SLC25A10: variants seen among roughly 807,000 people sequenced by gnomAD.
The protein encoded by SLC25A10 is solute carrier family 25 member 10, also known as mitochondrial dicarboxylate carrier.
Under a neutral mutation model 40.4 loss-of-function variants are expected in SLC25A10, and 32 were observed. That is an observed-to-expected ratio of 0.79 (90% CI 0.60 to 1.06). The LOEUF is 1.06. Among genes scored for constraint, SLC25A10 ranks in the 50% least tolerant of loss-of-function variants. The pLI is 0.00. For missense variants in SLC25A10, 394 were observed against 402.6 expected (o/e 0.98, Z 0.18); for synonymous variants, 181 against 171.1 (o/e 1.06, Z -0.45).
At chr17:81,715,863 T>A in intron 4 of SLC25A10, 122 bp downstream of exon 4, 1 of 1,456,886 alleles carries the variant, frequency 6.9e-7, no homozygotes, top group Non-Finnish European at 9.6e-7. Context: ...GACCCTGGTG[T>A]CCTGGGCATA....
chr17:81,716,171 C>A, intron 5 of SLC25A10, 121 bp downstream of exon 5: 1 of 1,085,896 alleles, frequency 9.2e-7, no homozygotes, highest in Non-Finnish European at 1.3e-6. Context: ...CCTGCACGGT[C>A]CATGGAGGGT....
chr17:81,712,540 G>T, intron 1 of SLC25A10, 21 bp downstream of exon 1: 1 of 1,233,002 alleles, frequency 8.1e-7, no homozygotes, highest in South Asian at 3.4e-5. Context: ...GGCCCGGGAC[G>T]CGGGGCGGAT....
At position 81,716,967 on chromosome 17, in the gene SLC25A10, T is replaced by TGCCTTACCCCTG. The variant is rs1555703505; in HGVS notation, c.464-31_464-30insTACCCCTGGCCT. ...GGGCCAGGTGCCTGGCCTCACCCCT[T>TGCCTTACCCCTG]GCCTCACCCCTTGCCTCACCCCTTC... On this transcript the variant is annotated intron_variant, in intron 6 of 10. Coordinates refer to ENST00000350690, the MANE Select transcript of SLC25A10 (RefSeq NM_012140.5). 1.1e-5 allele frequency: 18 copies of TGCCTTACCCCTG among 1,592,796 alleles called. No individual in the cohort carries two copies. The Admixed American group carries it at 2.7e-4, about 24-fold the overall frequency.
chr17:81,718,092 C>A (rs1195890385), intron 9 of SLC25A10, among the ~76,000 whole-genome samples: 1 of 152,076 alleles, frequency 6.6e-6, no homozygotes, highest in Non-Finnish European at 1.5e-5. Context: ...ATGCCTGTAA[C>A]CCCAGCACTT....
intron 5 of SLC25A10, among the ~76,000 whole-genome samples, chr17:81,716,263 G>T (rs1435368136): frequency 6.6e-6 from 1 of 152,176 alleles, no homozygotes; most frequent in African/African-American, 2.4e-5. Context: ...AGCCTTGTTG[G>T]ATTGGGGGCT....
Position 81,718,810 on chromosome 17 carries a change from C to G in SLC25A10, c.705+949C>G, listed in dbSNP as rs1402121638. Reference sequence around the variant, plus strand: ...AAAAATGCAAAAAAATTAGCTGGGCCTGGTGGCGCACGCCTGTAATCCCAG... The same window carrying G: ...AAAAATGCAAAAAAATTAGCTGGGCGTGGTGGCGCACGCCTGTAATCCCAG... On this transcript the variant is annotated intron_variant, in intron 9 of 10. Coordinates refer to ENST00000350690, the MANE Select transcript of SLC25A10 (RefSeq NM_012140.5). 1.2e-4 allele frequency among the ~76,000 whole-genome samples: 16 copies of G among 133,992 alleles called. No individual in the cohort carries two copies. In the South Asian group the frequency reaches 2.5e-3, roughly 21 times the overall value. 87.9% of individuals were successfully genotyped at this position (133,992 alleles called of 152,430 possible).
At chr17:81,719,563 G>T (rs74006106) in intron 9 of SLC25A10, among the ~76,000 whole-genome samples, 4,563 of 152,260 alleles carry the variant, frequency 0.03, 87 homozygotes, top group African/African-American at 0.054. Flanking sequence ...TCTGTTCACA[G>T]CCCCCTCTGC....
chr17:81,714,059 C>T (rs1018073408), intron 1 of SLC25A10, among the ~76,000 whole-genome samples: 1 of 152,206 alleles, frequency 6.6e-6, no homozygotes, highest in African/African-American at 2.4e-5. Flanking sequence ...CCTGTGTGGC[C>T]CAGTCCCTCT....
Position 81,715,080 on chromosome 17 carries a change from G to A in SLC25A10, c.213+8G>A, listed in dbSNP as rs745553700. The A allele has an allele frequency of 6.2e-7, 1 of 1,608,374 alleles. No homozygotes were observed. The highest frequency in any genetic ancestry group is 8.5e-7 in the Non-Finnish European group (1 of 1,179,258). On this transcript the variant is annotated splice_region_variant and intron_variant, in intron 2 of 10. Transcript: ENST00000350690. ...GCCTCGCTGTGCAGACAGGTGCGTG[G>A]TGTGTGCCAGCCTTGGGCTCCCAGA...
At chr17:81,718,006 G>C (rs936650348) in intron 9 of SLC25A10, 145 bp downstream of exon 9, 11 of 663,056 alleles carry the variant, frequency 1.7e-5, no homozygotes, top group Non-Finnish European at 2.7e-5. Context: ...CTTGCCTTGG[G>C]AGAGGGTTGT....
In SLC25A10 at chr17:81,715,433, G is replaced by T. The variant is rs550653781; in HGVS notation, c.214-45G>T. On this transcript the variant is annotated intron_variant, in intron 2 of 10. Transcript: ENST00000350690. ...CTGGGCCGGGTGGCGAGGCTGAGGG[G>T]TGTGGGGCGTGCCCGTCCCTCCAAG... 3.3e-6 allele frequency: 5 copies of T among 1,524,488 alleles called. No individual in the cohort carries two copies. In the South Asian group the frequency reaches 4.5e-5, roughly 14 times the overall value. The allele number at this position is 1,524,488 out of a possible 1,614,324, so 94.4% of individuals were successfully genotyped here.
chr17:81,716,304 C>T (rs1057091428), intron 5 of SLC25A10, among the ~76,000 whole-genome samples: 28 of 152,136 alleles, frequency 1.8e-4, no homozygotes, highest in Admixed American at 3.3e-4. Flanking sequence ...GTGGTGAGTG[C>T]GGAGGCGAAC....
chr17:81,718,416 C>T (rs887488587), intron 9 of SLC25A10, among the ~76,000 whole-genome samples: 6 of 150,128 alleles, frequency 4.0e-5, no homozygotes, highest in Non-Finnish European at 7.4e-5. Context: ...ACCTGGGAGG[C>T]GGAGGTTGCA....
chr17:81,716,046 C>A lies in SLC25A10; in HGVS notation c.415C>A (p.Arg139Ser). The change falls in exon 5 of 11, where the codon CGC becomes AGC. Residue 139 changes from arginine (R) to serine (S), a missense_variant. Physicochemically the swap from Arg to Ser is moderately radical, Grantham distance 110. Coordinates refer to ENST00000350690, the MANE Select transcript of SLC25A10 (RefSeq NM_012140.5). ...CGTGAAGCTGCCCCAGGGTCAGCGG[C>A]GCAAGTGAGTCATGGGCGGCCTTCT... Reference protein sequence around the residue: ...NDVKLPQGQRRNYAHALDGLY... With the variant: ...NDVKLPQGQRSNYAHALDGLY... The A allele has an allele frequency of 6.3e-7, 1 of 1,598,272 alleles. No individual in the cohort carries two copies. The highest frequency in any genetic ancestry group is 8.5e-7 in the Non-Finnish European group (1 of 1,172,684).
intron 5 of SLC25A10, 82 bp downstream of exon 5, chr17:81,716,132 C>T (rs1426415883): frequency 1.4e-6 from 2 of 1,462,082 alleles, no homozygotes; most frequent in East Asian, 4.9e-5. Flanking sequence ...TCTGCCGTGA[C>T]CCAGCTGAGG....
chr17:81,717,023 C>G lies in SLC25A10; in HGVS notation c.485C>G (p.Ser162Trp). Residue 162 changes from serine (S) to tryptophan (W), a missense_variant, in exon 7 of 11, where the codon TCG becomes TGG. Physicochemically the swap from Ser to Trp is radical, Grantham distance 177. Coordinates refer to ENST00000350690, the MANE Select transcript of SLC25A10 (RefSeq NM_012140.5). ...GCAGAGGGTCTCAGGAGACTGTTCTCGGGTGCAACCATGGCATCCAGCCGA... is the reference window on the plus strand; with the variant it reads ...GCAGAGGGTCTCAGGAGACTGTTCTGGGGTGCAACCATGGCATCCAGCCGA... ...AREEGLRRLFSGATMASSRGA... is the reference protein window; with the variant it reads ...AREEGLRRLFWGATMASSRGA... 1 of 1,613,716 alleles carries G rather than the reference C, an allele frequency of 6.2e-7. No individual in the cohort carries two copies. The highest frequency in any genetic ancestry group is 8.5e-7 in the Non-Finnish European group (1 of 1,179,944).
intron 1 of SLC25A10, 25 bp downstream of exon 1, chr17:81,712,544 GGCGGATGGGA>G: frequency 8.1e-7 from 1 of 1,229,674 alleles, no homozygotes; most frequent in Non-Finnish European, 1.0e-6. Flanking sequence ...CGGGACGCGG[GGCGGATGGGA>G]CCCTGGCGCC....
Position 81,718,792 on chromosome 17 carries a change from CA to C in SLC25A10, c.705+938del, listed in dbSNP as rs1223027711. Among the ~76,000 whole-genome samples, 14 of 143,798 alleles carry C rather than the reference CA, an allele frequency of 9.7e-5. No homozygotes were observed. The South Asian group carries it at 2.2e-3, about 23-fold the overall frequency. 94.3% of individuals were successfully genotyped at this position (143,798 alleles called of 152,430 possible). A position where few individuals can be genotyped will look rare whatever the true frequency, so the allele number is the denominator to read the frequency against. ...TGAAACCCCGTCTCTACTAAAAATG[CA>C]AAAAAATTAGCTGGGCCTGGTGGCG... On this transcript the variant is annotated intron_variant, in intron 9 of 10. Transcript: ENST00000350690.
chr17:81,720,167 C>T lies in SLC25A10; in HGVS notation c.*90C>T. ...CCAGCACCTGCTCCTGGGGCCACGA[C>T]CTCCCTGGCCGTGGCCACCCGTCCT... On this transcript the variant is annotated 3_prime_UTR_variant, in exon 11 of 11. Transcript: ENST00000350690. 2.6e-6 allele frequency: 4 copies of T among 1,559,246 alleles called. No homozygotes were observed. The highest frequency in any genetic ancestry group is 3.4e-6 in the Non-Finnish European group (4 of 1,159,824).
Sources: gnomAD v4.1 joint callset for allele counts (sites outside exome capture counted in the v4.1 genomes callset) on GRCh38, gnomAD v4.1.1 for gene constraint, MANE v1.5 for transcripts, NCBI Gene and HGNC (gene_info 2026-07-23, HGNC 2026-07-21) for gene names.